Variants in TMEM200A observed in about 807,000 individuals in gnomAD.
The protein encoded by TMEM200A is transmembrane protein 200A.
A neutral mutation model predicts 24.3 loss-of-function variants in TMEM200A; 12 were observed. The observed-to-expected ratio is 0.49, with a 90% CI of 0.32 to 0.80. TMEM200A has a LOEUF of 0.80. Among genes scored for constraint, TMEM200A ranks in the 30% least tolerant of loss-of-function variants. The pLI, the probability that TMEM200A is intolerant of heterozygous loss-of-function variation, is 0.04. For synonymous variants in TMEM200A, 224 were observed against 224.4 expected (o/e 1.00, Z 0.02); for missense variants, 545 against 614.4 (o/e 0.89, Z 1.19).
intron 2 of TMEM200A, among the ~76,000 whole-genome samples, chr6:130,416,173 TTA>T (rs917415582): frequency 5.3e-5 from 8 of 152,180 alleles, no homozygotes; most frequent in Non-Finnish European, 1.2e-4. Flanking sequence ...TAGTACTAAA[TTA>T]TACTCATCAG....
chr6:130,392,549 T>A (rs1211212889), intron 2 of TMEM200A, among the ~76,000 whole-genome samples: 1 of 152,220 alleles, frequency 6.6e-6, no homozygotes, highest in African/African-American at 2.4e-5. Flanking sequence ...TGTCAGCCTA[T>A]CTGTCCATTT....
rs139932736 is a variant in TMEM200A at position 130,394,106 on chromosome 6, G to A, written c.-17+8870G>A. 6.0e-4 allele frequency among the ~76,000 whole-genome samples: 91 copies of A among 152,244 alleles called. 1 individual carries two copies. In the East Asian group the frequency reaches 0.018, roughly 29 times the overall value. Reference sequence around the variant, plus strand: ...AATATACTGTACTTGGGATTTCATTGTTAGGGTTTGAAGTCAGTATTTGTC... The same window carrying A: ...AATATACTGTACTTGGGATTTCATTATTAGGGTTTGAAGTCAGTATTTGTC... On this transcript the variant is annotated intron_variant, in intron 2 of 2. Coordinates refer to ENST00000296978, the MANE Select transcript of TMEM200A (RefSeq NM_001258277.2).
chr6:130,382,388 C>G (rs1410095378), intron 1 of TMEM200A, among the ~76,000 whole-genome samples: 2 of 152,192 alleles, frequency 1.3e-5, no homozygotes, highest in Non-Finnish European at 2.9e-5. Context: ...CAGCTGTTAG[C>G]TCTGCCTGGA....
rs1778146590 is a variant in TMEM200A, at chr6:130,366,387, T to G, written c.-218T>G. The G allele has an allele frequency of 1.0e-6, 1 of 985,458 alleles. No individual in the cohort carries two copies. Among genetic ancestry groups the G allele is most frequent in the Non-Finnish European group, 1.2e-6 (1 of 830,056 alleles). 61.0% of individuals were successfully genotyped at this position (985,458 alleles called of 1,614,324 possible). ...CGCGGCTGCCCGCGGCGGCCGAGAT[T>G]CCCGCTGACGCCCCCGACCCTGCCG... On this transcript the variant is annotated 5_prime_UTR_variant, in exon 1 of 3. It adds an upstream start codon to the 5' untranslated region. Transcript: ENST00000296978. The surrounding 1 kb of genome is among the most constrained non-coding windows in gnomAD (Gnocchi z 4.4).
intron 2 of TMEM200A, among the ~76,000 whole-genome samples, chr6:130,410,806 C>G (rs547400752): frequency 3.5e-4 from 53 of 152,302 alleles, no homozygotes; most frequent in Admixed American, 2.5e-3. Context: ...GTTATCATAG[C>G]TCTAGGAAAG....
chr6:130,440,323 T>C (rs1780124731), intron 2 of TMEM200A, 84 bp from the exon 3 acceptor site: 2 of 1,363,848 alleles, frequency 1.5e-6, no homozygotes, highest in African/African-American at 1.5e-5. Context: ...AAAAATTCTG[T>C]GTAAACAGTT....
At chr6:130,413,175 A>G (rs909637808) in intron 2 of TMEM200A, among the ~76,000 whole-genome samples, 1 of 152,196 alleles carries the variant, frequency 6.6e-6, no homozygotes, top group Non-Finnish European at 1.5e-5. Flanking sequence ...CATGGAATCT[A>G]TACTGATAAT....
intron 2 of TMEM200A, among the ~76,000 whole-genome samples, chr6:130,430,253 G>T: frequency 6.6e-6 from 1 of 151,908 alleles, no homozygotes; most frequent in East Asian, 1.9e-4. Context: ...AGCTCTCTAG[G>T]ATTCCACTTA....
chr6:130,409,200 C>A (rs71572924), intron 2 of TMEM200A, among the ~76,000 whole-genome samples: 1,781 of 152,254 alleles, frequency 0.012, 14 homozygotes, highest in Non-Finnish European at 0.02. Context: ...CAGGTGTTTT[C>A]CCCAATAATC....
chr6:130,442,236 G>C lies in TMEM200A; in HGVS notation c.*338G>C. 1 of 208,280 alleles carries C rather than the reference G, an allele frequency of 4.8e-6. No homozygotes were observed. The highest frequency in any genetic ancestry group is 1.3e-4 in the East Asian group (1 of 7,632). 12.9% of individuals were successfully genotyped at this position (208,280 alleles called of 1,614,324 possible). On this transcript the variant is annotated 3_prime_UTR_variant, in exon 3 of 3. Coordinates refer to ENST00000296978, the MANE Select transcript of TMEM200A (RefSeq NM_001258277.2). The stretch of plus-strand genomic sequence containing the variant: ...TTCATAAAATGAAATGTCCAGTATG[G>C]AAAACATAGGGTACCAAAGTGTGGA...
At chr6:130,396,688 C>A (rs1231327509) in intron 2 of TMEM200A, among the ~76,000 whole-genome samples, 2 of 151,946 alleles carry the variant, frequency 1.3e-5, no homozygotes, top group East Asian at 3.9e-4. Context: ...ATCACTCATA[C>A]TTTTTAATAT....
intron 2 of TMEM200A, among the ~76,000 whole-genome samples, chr6:130,431,698 G>T (rs1182541511): frequency 6.6e-6 from 1 of 152,062 alleles, no homozygotes; most frequent in Non-Finnish European, 1.5e-5. Flanking sequence ...TATTCTACGG[G>T]CTTCTGGCTT....
chr6:130,369,480 A>G (rs1409958368), intron 1 of TMEM200A, among the ~76,000 whole-genome samples: 1 of 152,188 alleles, frequency 6.6e-6, no homozygotes. Context: ...GAAGTCTCCA[A>G]TTACGAGCTC....
intron 1 of TMEM200A, among the ~76,000 whole-genome samples, chr6:130,377,240 T>G (rs565650579): frequency 6.6e-6 from 1 of 152,206 alleles, no homozygotes; most frequent in South Asian, 2.1e-4. Flanking sequence ...GGAGTGAAAT[T>G]GTGAATTAAT....
At chr6:130,417,084 T>G (rs1779472952) in intron 2 of TMEM200A, among the ~76,000 whole-genome samples, 1 of 152,228 alleles carries the variant, frequency 6.6e-6, no homozygotes, top group African/African-American at 2.4e-5. Flanking sequence ...ACATATCATA[T>G]GTATAATTGT....
At chr6:130,396,264 C>T (rs1778949967) in intron 2 of TMEM200A, among the ~76,000 whole-genome samples, 2 of 151,876 alleles carry the variant, frequency 1.3e-5, no homozygotes, top group African/African-American at 2.4e-5. Flanking sequence ...TTAAGAAAAA[C>T]CTTCTGCACT....
chr6:130,423,777 A>T (rs1207155956), intron 2 of TMEM200A, among the ~76,000 whole-genome samples: 5 of 152,136 alleles, frequency 3.3e-5, no homozygotes, highest in Non-Finnish European at 7.4e-5. Flanking sequence ...AAGAAACTAA[A>T]CAGATTAAAT....
intron 1 of TMEM200A, among the ~76,000 whole-genome samples, chr6:130,373,691 T>C (rs1415479550): frequency 6.6e-6 from 1 of 152,212 alleles, no homozygotes; most frequent in African/African-American, 2.4e-5. Context: ...ATAAATGCAT[T>C]TATATTCCAT....
chr6:130,437,450 C>G (rs569354199), intron 2 of TMEM200A: 32 of 152,254 alleles, frequency 2.1e-4, no homozygotes, highest in African/African-American at 7.5e-4. Context: ...ATTTGCTCAC[C>G]TTTGCTTTCC....
Sources: gnomAD v4.1 joint callset for allele counts (sites outside exome capture counted in the v4.1 genomes callset) on GRCh38, gnomAD v4.1.1 for gene constraint, Gnocchi (gnomAD v3.1) non-coding constraint, MANE v1.5 for transcripts, NCBI Gene and HGNC (gene_info 2026-07-23, HGNC 2026-07-21) for gene names.